RASA2: variants seen among roughly 807,000 people sequenced by gnomAD.
RASA2 encodes ras GTPase-activating protein 2.
A neutral mutation model predicts 118.2 loss-of-function variants in RASA2; 155 were observed. That is an observed-to-expected ratio of 1.31 (90% CI 1.15 to 1.50). RASA2 has a LOEUF of 1.50. Among genes scored for constraint, RASA2 ranks in the 40% most tolerant of loss-of-function variants. The pLI is 0.00. For missense variants in RASA2, 1,016 were observed against 1,009.6 expected (o/e 1.01, Z -0.09); for synonymous variants, 353 against 349.1 (o/e 1.01, Z -0.12).
intron 9 of RASA2, among the ~76,000 whole-genome samples, chr3:141,568,674 G>A (rs1191923449): frequency 1.3e-5 from 2 of 151,934 alleles, no homozygotes; most frequent in South Asian, 4.1e-4. Flanking sequence ...ATAGTAAGTG[G>A]CACTCCACAC....
At chr3:141,559,769 GC>G in intron 8 of RASA2, 124 bp from the exon 9 acceptor site, 2 of 734,342 alleles carry the variant, frequency 2.7e-6, no homozygotes, top group Non-Finnish European at 2.3e-6. Flanking sequence ...ATATGGTGTT[GC>G]TAACATCTTT....
intron 5 of RASA2, among the ~76,000 whole-genome samples, chr3:141,544,715 A>T (rs1487443794): frequency 2.6e-5 from 4 of 152,196 alleles, no homozygotes; most frequent in Non-Finnish European, 1.5e-5. Flanking sequence ...CATTATTCAC[A>T]ATAGCAAAGA....
chr3:141,512,237 C>T lies in RASA2; in HGVS notation c.208C>T (p.Gln70Ter), dbSNP rs748485373. 6.3e-7 allele frequency: 1 copy of T among 1,593,564 alleles called. No homozygotes were observed. Among genetic ancestry groups the T allele is most frequent in the Non-Finnish European group, 8.5e-7 (1 of 1,174,786 alleles). ...TTGTTTCTGTACCATAAATTTGGACCAGGAAGAAGTTTATCGTACCCAAGT... is the reference window on the plus strand; with the variant it reads ...TTGTTTCTGTACCATAAATTTGGACTAGGAAGAAGTTTATCGTACCCAAGT... Reference protein sequence around the residue: ...RDCFCTINLDQEEVYRTQVVE... With the variant: ...RDCFCTINLD Residue 70 changes from glutamine to a stop codon, truncating the protein, a stop_gained, in exon 2 of 24, where the codon CAG becomes TAG. Transcript: ENST00000286364. LOFTEE classifies it high-confidence loss of function.
At chr3:141,547,801 T>A (rs1319815444) in intron 5 of RASA2, among the ~76,000 whole-genome samples, 1 of 152,210 alleles carries the variant, frequency 6.6e-6, no homozygotes, top group Non-Finnish European at 1.5e-5. Context: ...CCCCATTCAG[T>A]ATGATACTAG....
chr3:141,537,328 A>G (rs1167721707), intron 4 of RASA2, among the ~76,000 whole-genome samples: 3 of 151,694 alleles, frequency 2.0e-5, no homozygotes, highest in Admixed American at 2.0e-4. Flanking sequence ...CTCCCATTTC[A>G]CCAGTCCTCT....
intron 19 of RASA2, among the ~76,000 whole-genome samples, chr3:141,605,796 C>G (rs998768603): frequency 4.7e-5 from 7 of 150,444 alleles, no homozygotes; most frequent in Admixed American, 1.3e-4. Context: ...TTGTGTTTTG[C>G]AGTCCATTTA....
chr3:141,526,259 A>G (rs1283330860), intron 3 of RASA2: 1 of 152,024 alleles, frequency 6.6e-6, no homozygotes, highest in Non-Finnish European at 1.5e-5. Context: ...TGCTCTTTCC[A>G]CTGTGTCGGG....
intron 1 of RASA2, among the ~76,000 whole-genome samples, chr3:141,508,789 T>C (rs1293870881): frequency 6.6e-6 from 1 of 151,610 alleles, no homozygotes; most frequent in Non-Finnish European, 1.5e-5. Flanking sequence ...GATTATAGAA[T>C]AAGTTTTCAA....
intron 4 of RASA2, among the ~76,000 whole-genome samples, chr3:141,530,640 A>T (rs946077614): frequency 6.6e-6 from 1 of 152,258 alleles, no homozygotes; most frequent in South Asian, 2.1e-4. Context: ...TAATTTGCAA[A>T]TAAGTGCCTG....
chr3:141,563,151 A>G (rs1409287415), intron 9 of RASA2, among the ~76,000 whole-genome samples: 1 of 152,226 alleles, frequency 6.6e-6, no homozygotes, highest in African/African-American at 2.4e-5. Flanking sequence ...TCTTGAGAGC[A>G]TAAGGATTGC....
At chr3:141,578,570 C>A (rs2083049775) in intron 15 of RASA2, 1 of 152,206 alleles carries the variant, frequency 6.6e-6, no homozygotes, top group South Asian at 2.1e-4. Context: ...AGTGGCAGCA[C>A]CACGCCCTTT....
At chr3:141,611,642 G>A (rs2083653183) in intron 23 of RASA2, among the ~76,000 whole-genome samples, 1 of 152,018 alleles carries the variant, frequency 6.6e-6, no homozygotes, top group Admixed American at 6.6e-5. Flanking sequence ...TGCTGACTAG[G>A]GCTCTGAATC....
Position 141,570,986 on chromosome 3 carries a change from T to G in RASA2, c.938T>G (p.Ile313Arg). 1 of 1,612,576 alleles carries G rather than the reference T, an allele frequency of 6.2e-7. No individual in the cohort carries two copies. Among genetic ancestry groups the G allele is most frequent in the Non-Finnish European group, 8.5e-7 (1 of 1,179,190 alleles). ...GACCTGGGGTCTCTTCGATTAAATATATGTTATACAGAAGACTACGTGCTT... is the reference window on the plus strand; with the variant it reads ...GACCTGGGGTCTCTTCGATTAAATAGATGTTATACAGAAGACTACGTGCTT... The part of the protein sequence containing the change: ...TDDLGSLRLN[I>R]CYTEDYVLPS... Residue 313 changes from isoleucine (I) to arginine (R), a missense_variant, in exon 10 of 24, where the codon ATA becomes AGA. Physicochemically the swap from Ile to Arg is moderately conservative, Grantham distance 97. Transcript: ENST00000286364.
intron 13 of RASA2, 31 bp from the exon 14 acceptor site, chr3:141,573,913 A>G: frequency 1.3e-6 from 2 of 1,553,552 alleles, no homozygotes; most frequent in Admixed American, 3.8e-5. Context: ...GAACATCAAA[A>G]TCTTAATGTT....
At chr3:141,516,025 G>A (rs2082018802) in intron 2 of RASA2, among the ~76,000 whole-genome samples, 1 of 142,794 alleles carries the variant, frequency 7.0e-6, no homozygotes, top group Non-Finnish European at 1.5e-5. Flanking sequence ...CACAGGAAGG[G>A]GAGCATCACA....
chr3:141,570,857 C>A, intron 9 of RASA2, 55 bp from the exon 10 acceptor site: 1 of 1,507,330 alleles, frequency 6.6e-7, no homozygotes, highest in Non-Finnish European at 9.0e-7. Flanking sequence ...CTTAACTTGC[C>A]TCATTGGCTT....
At chr3:141,530,780 A>G (rs1229849997) in intron 4 of RASA2, among the ~76,000 whole-genome samples, 3 of 152,064 alleles carry the variant, frequency 2.0e-5, no homozygotes. Flanking sequence ...TGTTTAACCT[A>G]CTTTGCCATG....
intron 3 of RASA2, 71 bp from the exon 4 acceptor site, chr3:141,529,636 TA>T: frequency 9.8e-7 from 1 of 1,022,368 alleles, no homozygotes; most frequent in Non-Finnish European, 1.5e-6. Context: ...AAGTATTATA[TA>T]AAACAGTGCT....
chr3:141,509,951 C>T (rs750938756), intron 1 of RASA2, among the ~76,000 whole-genome samples: 1 of 152,106 alleles, frequency 6.6e-6, no homozygotes, highest in South Asian at 2.1e-4. Flanking sequence ...TTTGTTTATT[C>T]TGTTTAAGTA....
Sources: allele counts gnomAD v4.1 joint callset (sites outside exome capture counted in the v4.1 genomes callset), GRCh38; gene constraint gnomAD v4.1.1; transcripts MANE v1.5; gene names NCBI Gene and HGNC (gene_info 2026-07-23, HGNC 2026-07-21).